PLCB4: variants seen among roughly 807,000 people sequenced by gnomAD.
PLCB4 encodes phospholipase C beta 4, also known as 1-phosphatidylinositol 4,5-bisphosphate phosphodiesterase beta-4.
Under a neutral mutation model 178.8 loss-of-function variants are expected in PLCB4, and 77 were observed. The ratio of observed to expected loss-of-function variants is 0.43; its 90% CI spans 0.36 to 0.52. The LOEUF is 0.52. PLCB4 is among the 20% of genes least tolerant of loss of function. The pLI, the probability that PLCB4 is intolerant of heterozygous loss-of-function variation, is 0.00. For missense variants in PLCB4, 1,024 were observed against 1,453.4 expected, an observed-to-expected ratio of 0.70 and a Z score of 4.80; for synonymous variants, 496 against 490.8, an observed-to-expected ratio of 1.01 and a Z score of -0.14.
intron 32 of PLCB4, among the ~76,000 whole-genome samples, chr20:9,449,563 C>T (rs772792934): frequency 2.6e-5 from 4 of 152,112 alleles, no homozygotes; most frequent in Non-Finnish European, 4.4e-5. Flanking sequence ...CTTTTACTAT[C>T]GGCGTCTAAT....
intron 3 of PLCB4, among the ~76,000 whole-genome samples, chr20:9,287,226 G>A (rs2094543608): frequency 6.6e-6 from 1 of 152,002 alleles, no homozygotes; most frequent in Non-Finnish European, 1.5e-5. Flanking sequence ...ATCAGACTCA[G>A]CTGCCTCAAG....
intron 4 of PLCB4, among the ~76,000 whole-genome samples, chr20:9,332,018 G>A (rs559853020): frequency 6.6e-6 from 1 of 152,288 alleles, no homozygotes; most frequent in East Asian, 1.9e-4. Flanking sequence ...ATGAGCTAAC[G>A]TGTCCTTGAG....
At chr20:9,465,528 G>A (rs928827286) in intron 35 of PLCB4, among the ~76,000 whole-genome samples, 3 of 152,206 alleles carry the variant, frequency 2.0e-5, no homozygotes, top group African/African-American at 7.2e-5. Context: ...AGTATATTTA[G>A]AAAACCCCTT....
chr20:9,077,215 C>T (rs1351159605), intron 1 of PLCB4, among the ~76,000 whole-genome samples: 2 of 152,152 alleles, frequency 1.3e-5, no homozygotes, highest in Admixed American at 1.3e-4. Flanking sequence ...TTTAACCATT[C>T]TTCTGTGGAC....
At chr20:9,191,723 A>G (rs2093406941) in intron 2 of PLCB4, among the ~76,000 whole-genome samples, 1 of 152,058 alleles carries the variant, frequency 6.6e-6, no homozygotes, top group African/African-American at 2.4e-5. Flanking sequence ...GGGATCTATA[A>G]TACACAGACT....
intron 27 of PLCB4, among the ~76,000 whole-genome samples, chr20:9,421,933 C>T (rs1875560063): frequency 1.3e-5 from 2 of 152,188 alleles, no homozygotes; most frequent in South Asian, 4.1e-4. Flanking sequence ...TCTTATCCTT[C>T]TTGTACTGTT....
At chr20:9,314,902 G>A (rs550326384) in intron 4 of PLCB4, among the ~76,000 whole-genome samples, 42 of 148,754 alleles carry the variant, frequency 2.8e-4, no homozygotes, top group South Asian at 1.1e-3. Flanking sequence ...ACGGAATTTC[G>A]TGCTTGTTAC....
At chr20:9,467,350 C>A (rs1366135447) in intron 35 of PLCB4, among the ~76,000 whole-genome samples, 2 of 152,148 alleles carry the variant, frequency 1.3e-5, no homozygotes, top group Admixed American at 1.3e-4. Context: ...ATGGGTGCAG[C>A]AAACCAACAT....
chr20:9,319,722 G>A (rs2094937985), intron 4 of PLCB4, among the ~76,000 whole-genome samples: 1 of 152,168 alleles, frequency 6.6e-6, no homozygotes, highest in South Asian at 2.1e-4. Context: ...GCCCTCCGTG[G>A]ATTGGATGGT....
chr20:9,184,482 C>T (rs2093298087), intron 2 of PLCB4, among the ~76,000 whole-genome samples: 2 of 151,532 alleles, frequency 1.3e-5, no homozygotes, highest in African/African-American at 4.9e-5. Context: ...ATGGTTTCTT[C>T]AGTTCTAGAA....
At chr20:9,245,788 C>T (rs899669904) in intron 3 of PLCB4, among the ~76,000 whole-genome samples, 2 of 151,528 alleles carry the variant, frequency 1.3e-5, no homozygotes, top group Admixed American at 6.6e-5. Context: ...GCACATGCCA[C>T]ATGTCCTGCT....
At chr20:9,233,597 T>C (rs1459974453) in intron 3 of PLCB4, among the ~76,000 whole-genome samples, 1 of 152,076 alleles carries the variant, frequency 6.6e-6, no homozygotes, top group Non-Finnish European at 1.5e-5. Context: ...TGAGCTTAGA[T>C]CCAAATGATG....
At chr20:9,407,204 C>G (rs2039505774) in intron 21 of PLCB4, among the ~76,000 whole-genome samples, 1 of 152,130 alleles carries the variant, frequency 6.6e-6, no homozygotes, top group African/African-American at 2.4e-5. Flanking sequence ...TCAACAGAAA[C>G]TCTGAGTGTG....
At chr20:9,206,539 C>A (rs1042279992) in intron 2 of PLCB4, among the ~76,000 whole-genome samples, 2 of 152,134 alleles carry the variant, frequency 1.3e-5, no homozygotes, top group Admixed American at 1.3e-4. Flanking sequence ...GAAACCAGCT[C>A]AGTTAGCTTA....
At chr20:9,333,683 G>A (rs182246007) in intron 4 of PLCB4, among the ~76,000 whole-genome samples, 4 of 152,278 alleles carry the variant, frequency 2.6e-5, no homozygotes, top group Admixed American at 2.6e-4. Flanking sequence ...AGAAAAAGCA[G>A]AAGTGAGAAG....
chr20:9,386,079 C>T (rs1008948746), intron 14 of PLCB4, among the ~76,000 whole-genome samples: 2 of 152,204 alleles, frequency 1.3e-5, no homozygotes, highest in African/African-American at 2.4e-5. Flanking sequence ...AGGGCGATAC[C>T]CCATCTCCTC....
At chr20:9,078,585 C>T (rs2089993224) in intron 1 of PLCB4, among the ~76,000 whole-genome samples, 1 of 151,924 alleles carries the variant, frequency 6.6e-6, no homozygotes, top group African/African-American at 2.4e-5. Context: ...TAGTCTTGAA[C>T]TCCTGACCTC....
chr20:9,424,188 A>G (rs1346707687), intron 28 of PLCB4, among the ~76,000 whole-genome samples: 2 of 152,230 alleles, frequency 1.3e-5, no homozygotes, highest in East Asian at 1.9e-4. Flanking sequence ...TTAAAATACT[A>G]TAATTTTATG....
At chr20:9,367,822 T>C (rs1409101395) in intron 9 of PLCB4, among the ~76,000 whole-genome samples, 1 of 152,246 alleles carries the variant, frequency 6.6e-6, no homozygotes, top group Non-Finnish European at 1.5e-5. Context: ...CATACAAAAT[T>C]ATTACCACCT....
Sources: gnomAD v4.1 joint callset for allele counts (sites outside exome capture counted in the v4.1 genomes callset) on GRCh38, gnomAD v4.1.1 for gene constraint, MANE v1.5 for transcripts, NCBI Gene and HGNC (gene_info 2026-07-23, HGNC 2026-07-21) for gene names.